NDUFAF6: variants seen among roughly 807,000 people sequenced by gnomAD.
NDUFAF6 encodes NADH dehydrogenase (ubiquinone) complex I, assembly factor 6.
Under a neutral mutation model 40.8 loss-of-function variants are expected in NDUFAF6, and 45 were observed. The observed-to-expected ratio is 1.10, with a 90% CI of 0.87 to 1.42. NDUFAF6 has a LOEUF of 1.42. NDUFAF6 is among the 40% of genes most tolerant of loss of function. The pLI, the probability that NDUFAF6 is intolerant of heterozygous loss-of-function variation, is 0.00. For synonymous variants in NDUFAF6, 185 were observed against 155.9 expected (o/e 1.19, Z -1.39); for missense variants, 435 against 418.5 (o/e 1.04, Z -0.34).
intron 1 of NDUFAF6, among the ~76,000 whole-genome samples, chr8:94,913,798 C>T (rs969687880): frequency 6.6e-6 from 1 of 151,994 alleles, no homozygotes; most frequent in Admixed American, 6.6e-5. Context: ...GACCTTGTCT[C>T]TTTTTTTTCT....
At chr8:94,925,985 C>T (rs987915764) in intron 1 of NDUFAF6, 3 of 152,546 alleles carry the variant, frequency 2.0e-5, no homozygotes, top group Non-Finnish European at 4.4e-5. Flanking sequence ...AGTTAAAGGA[C>T]ACTTTATTTA....
At chr8:95,047,685 A>G (rs1830955042) in intron 6 of NDUFAF6, among the ~76,000 whole-genome samples, 2 of 150,348 alleles carry the variant, frequency 1.3e-5, no homozygotes, top group South Asian at 4.2e-4. Flanking sequence ...AATTTTTTGT[A>G]TTTTTAGTAG....
At chr8:95,057,716 C>CCTAAATA in intron 8 of NDUFAF6, 93 bp from the exon 9 acceptor site, 1 of 999,490 alleles carries the variant, frequency 1.0e-6, no homozygotes, top group Non-Finnish European at 1.5e-6. Context: ...ACTAAAATAG[C>CCTAAATA]CTAAATACTT....
intron 1 of NDUFAF6, among the ~76,000 whole-genome samples, chr8:94,942,315 C>T (rs549316163): frequency 5.9e-5 from 9 of 152,204 alleles, no homozygotes; most frequent in African/African-American, 2.2e-4. Flanking sequence ...GCTAGGATTA[C>T]AGGCGTGAGC....
chr8:95,072,161 A>G (rs1394044000), intron 9 of NDUFAF6: 2 of 152,154 alleles, frequency 1.3e-5, no homozygotes, highest in Non-Finnish European at 2.9e-5. Context: ...TTCCTTCTGT[A>G]TCTCCTGCCT....
At chr8:94,968,512 G>A (rs1328210053) in intron 1 of NDUFAF6, among the ~76,000 whole-genome samples, 1 of 152,194 alleles carries the variant, frequency 6.6e-6, no homozygotes, top group Non-Finnish European at 1.5e-5. Flanking sequence ...GGAAGAACAG[G>A]TGCAAGCTCC....
intron 1 of NDUFAF6, among the ~76,000 whole-genome samples, chr8:94,897,521 A>G (rs1168763971): frequency 1.3e-5 from 2 of 152,142 alleles, no homozygotes; most frequent in Non-Finnish European, 2.9e-5. Flanking sequence ...TATTTCCCCT[A>G]TTGTACATGT....
intron 1 of NDUFAF6, among the ~76,000 whole-genome samples, chr8:94,896,880 A>G (rs146616378): frequency 4.0e-5 from 6 of 151,794 alleles, no homozygotes; most frequent in Non-Finnish European, 8.8e-5. Context: ...TTCTCTCCCT[A>G]ATTTACCTGT....
intron 2 of NDUFAF6, among the ~76,000 whole-genome samples, chr8:95,010,388 A>C (rs995622239): frequency 1.3e-5 from 2 of 152,184 alleles, no homozygotes; most frequent in Non-Finnish European, 2.9e-5. Context: ...CACCTGGCCT[A>C]GACCACAATT....
chr8:94,989,578 CAAACTAATGA>C (rs1383837808), intron 2 of NDUFAF6, among the ~76,000 whole-genome samples: 2 of 152,192 alleles, frequency 1.3e-5, no homozygotes, highest in African/African-American at 4.8e-5. Flanking sequence ...AATCAATGGT[CAAACTAATGA>C]ACTGGGGGTC....
chr8:95,016,466 C>T (rs908344185), intron 2 of NDUFAF6, among the ~76,000 whole-genome samples: 2 of 152,184 alleles, frequency 1.3e-5, no homozygotes, highest in African/African-American at 2.4e-5. Flanking sequence ...AACATCTGGC[C>T]GAGCGTGGTG....
intron 1 of NDUFAF6, among the ~76,000 whole-genome samples, chr8:94,979,902 T>G (rs1825273539): frequency 6.6e-6 from 1 of 152,094 alleles, no homozygotes; most frequent in South Asian, 2.1e-4. Context: ...CAAGACCAGC[T>G]TGGCCAACAT....
chr8:94,933,996 G>C (rs1820715335), intron 1 of NDUFAF6, among the ~76,000 whole-genome samples: 1 of 151,726 alleles, frequency 6.6e-6, no homozygotes, highest in South Asian at 2.1e-4. Flanking sequence ...AGAATTGCTT[G>C]AACCCGGGAG....
At chr8:94,997,346 A>ACAC (rs1826495850) in intron 2 of NDUFAF6, among the ~76,000 whole-genome samples, 1 of 118,196 alleles carries the variant, frequency 8.5e-6, no homozygotes, top group Non-Finnish European at 2.0e-5. Context: ...ACACACACAG[A>ACAC]GAGAGAGAGA....
intron 2 of NDUFAF6, among the ~76,000 whole-genome samples, chr8:94,998,261 C>T (rs777464843): frequency 6.6e-6 from 1 of 152,114 alleles, no homozygotes; most frequent in Non-Finnish European, 1.5e-5. Context: ...GTGCACAAAG[C>T]ACAAAAATCA....
chr8:94,967,801 C>T (rs1017773659), intron 1 of NDUFAF6, among the ~76,000 whole-genome samples: 25 of 152,072 alleles, frequency 1.6e-4, no homozygotes, highest in African/African-American at 4.6e-4. Context: ...ATTAGCCAGG[C>T]GTGGTGGCAT....
intron 1 of NDUFAF6, chr8:94,939,998 A>G (rs1223574820): frequency 1.2e-6 from 2 of 1,614,180 alleles, no homozygotes; most frequent in South Asian, 1.1e-5. Flanking sequence ...TTCCACCTTG[A>G]TAGTGGTTAA....
chr8:94,954,661 C>T (rs1822918953), upstream of NDUFAF6, among the ~76,000 whole-genome samples: 1 of 124,038 alleles, frequency 8.1e-6, no homozygotes, highest in Non-Finnish European at 1.8e-5. Flanking sequence ...GTGCAAAGGC[C>T]TGAGGTAGAA....
At chr8:95,029,390 A>G (rs1036078167) in intron 1 of NDUFAF6, among the ~76,000 whole-genome samples, 1 of 152,174 alleles carries the variant, frequency 6.6e-6, no homozygotes, top group Non-Finnish European at 1.5e-5. Context: ...ACACTCTGAA[A>G]CATTTAAGGA....
Sources: gnomAD v4.1 joint callset for allele counts (sites outside exome capture counted in the v4.1 genomes callset) on GRCh38, gnomAD v4.1.1 for gene constraint, MANE v1.5 for transcripts, NCBI Gene and HGNC (gene_info 2026-07-23, HGNC 2026-07-21) for gene names.